The following ZNF521 variants were observed in gnomAD, a reference collection of about 807,000 sequenced individuals.
ZNF521 encodes the protein LYST-interacting protein 3.
ZNF521 carries 14 observed loss-of-function variants against 105.5 expected under a neutral mutation model. That is an observed-to-expected ratio of 0.13 (90% CI 0.09 to 0.21). The LOEUF is 0.21. ZNF521 is among the 10% of genes least tolerant of loss of function. The pLI, the probability that ZNF521 is intolerant of heterozygous loss-of-function variation, is 1.00. For synonymous variants in ZNF521, 635 were observed against 606.0 expected, an observed-to-expected ratio of 1.05 and a Z score of -0.70; for missense variants, 1,233 against 1,629.7, an observed-to-expected ratio of 0.76 and a Z score of 4.19.
At chr18:25,274,778 T>C (rs76470508) in intron 3 of ZNF521, among the ~76,000 whole-genome samples, 2,074 of 152,330 alleles carry the variant, frequency 0.014, 30 homozygotes, top group Admixed American at 0.039. Context: ...AGATGTTGTG[T>C]CTAGTGGATG....
At chr18:25,077,704 G>A (rs2144152259) in intron 7 of ZNF521, among the ~76,000 whole-genome samples, 1 of 152,208 alleles carries the variant, frequency 6.6e-6, no homozygotes, top group South Asian at 2.1e-4. Context: ...TCCAGAAAAT[G>A]AATCCAATTT....
At chr18:25,094,300 CAT>C (rs1488564657) in intron 5 of ZNF521, among the ~76,000 whole-genome samples, 2 of 152,036 alleles carry the variant, frequency 1.3e-5, no homozygotes, top group Non-Finnish European at 2.9e-5. Context: ...ATAAATAAGA[CAT>C]ATGTGTATGA....
In ZNF521 at chr18:25,250,187, T is replaced by C. The variant is rs376152733; in HGVS notation, c.221-22490A>G. ...ATCTCCTGACATTGTGATCCACCAA[T>C]GAAAAATGTAAAATCATTTTTCATT... On this transcript the variant is annotated intron_variant, in intron 3 of 7. Coordinates refer to ENST00000361524, the MANE Select transcript of ZNF521 (RefSeq NM_015461.3). Among the ~76,000 whole-genome samples, 9 of 152,312 alleles carry C rather than the reference T, an allele frequency of 5.9e-5. No individual in the cohort carries two copies. The East Asian group carries it at 1.7e-3, about 29-fold the overall frequency.
intron 3 of ZNF521, among the ~76,000 whole-genome samples, chr18:25,293,287 A>G (rs969477988): frequency 2.0e-5 from 3 of 152,012 alleles, no homozygotes; most frequent in African/African-American, 7.3e-5. Context: ...CCTTTCGCCC[A>G]GATGAGGGCT....
intron 5 of ZNF521, among the ~76,000 whole-genome samples, chr18:25,116,922 T>C (rs1243300045): frequency 2.1e-5 from 3 of 140,284 alleles, no homozygotes; most frequent in African/African-American, 8.4e-5. Flanking sequence ...CGTATATCTA[T>C]GTATATATAT....
intron 2 of ZNF521, among the ~76,000 whole-genome samples, chr18:25,349,936 C>CCTCCCCGCT (rs1914649568): frequency 6.6e-6 from 1 of 151,696 alleles, no homozygotes; most frequent in Non-Finnish European, 1.5e-5. Flanking sequence ...CGCCGCCCGC[C>CCTCCCCGCT]CTCCCCGCTC....
chr18:25,062,749 TAACAA>T lies in ZNF521; in HGVS notation c.3907-13_3907-9del, dbSNP rs2032933173. 4.4e-5 allele frequency: 9 copies of T among 204,586 alleles called. No individual in the cohort carries two copies. The highest frequency in any genetic ancestry group is 1.5e-4 in the African/African-American group (1 of 6,660). The allele number at this position is 204,586 out of a possible 1,614,324, so 12.7% of individuals were successfully genotyped here. ...TTGGGTCATTGTATGATTCTGTAAA[TAACAA>T]AAAAAAAAAAAAAAAAAAAAAAAAA... On this transcript the variant is annotated splice_polypyrimidine_tract_variant and intron_variant, in intron 7 of 7. Coordinates refer to ENST00000361524, the MANE Select transcript of ZNF521 (RefSeq NM_015461.3).
Position 25,226,061 on chromosome 18 carries a change from C to T in ZNF521, c.1857G>A (p.Met619Ile). 6.2e-7 allele frequency: 1 copy of T among 1,614,194 alleles called. No individual in the cohort carries two copies. Among genetic ancestry groups the T allele is most frequent in the African/African-American group, 1.3e-5 (1 of 75,066 alleles). Reference sequence around the variant, plus strand: ...CAGGTGCACCTCCTACTGCCTGCATCATCTTAAGAGATGTCTGCTCTATGG... The same window carrying T: ...CAGGTGCACCTCCTACTGCCTGCATTATCTTAAGAGATGTCTGCTCTATGG... ...PVAIEQTSLK[M>I]MQAVGGAPAR... is the part of the protein sequence containing the mutation. The change falls in exon 4 of 8, where the codon ATG (methionine) becomes ATA (isoleucine). Residue 619 changes from methionine to isoleucine, a missense_variant. By Grantham distance (10) the Met-to-Ile change is conservative. Around this residue, in one of 6 missense-constraint regions of ZNF521, gnomAD observed 614 missense variants for 751.5 expected, o/e 0.82. Coordinates refer to ENST00000361524, the MANE Select transcript of ZNF521 (RefSeq NM_015461.3). This position sits in a 1 kb window ranked among gnomAD's most constrained non-coding sequence, Gnocchi z 4.1.
chr18:25,305,959 G>T (rs1271014036), intron 3 of ZNF521, among the ~76,000 whole-genome samples: 1 of 152,182 alleles, frequency 6.6e-6, no homozygotes, highest in Non-Finnish European at 1.5e-5. Context: ...CAAAAGGCAG[G>T]CAATGTTATC....
intron 5 of ZNF521, among the ~76,000 whole-genome samples, chr18:25,125,986 G>C (rs1274227255): frequency 6.6e-6 from 1 of 151,872 alleles, no homozygotes; most frequent in East Asian, 1.9e-4. Flanking sequence ...CCCCTTCAAT[G>C]GTCCTCATAA....
At chr18:25,201,800 T>C (rs1157705162) in intron 4 of ZNF521, 2 of 152,160 alleles carry the variant, frequency 1.3e-5, no homozygotes, top group Non-Finnish European at 2.9e-5. Context: ...TAACTTGCTG[T>C]ATAGTTAGTT....
chr18:25,266,893 T>A lies in ZNF521; in HGVS notation c.221-39196A>T, dbSNP rs191849402. Reference sequence around the variant, plus strand: ...TTTTGTTTTTGTTTCTTTTTTTCCATATCCCAGTGACATCTGGAACACCAG... The same window carrying A: ...TTTTGTTTTTGTTTCTTTTTTTCCAAATCCCAGTGACATCTGGAACACCAG... On this transcript the variant is annotated intron_variant, in intron 3 of 7. Coordinates refer to ENST00000361524, the MANE Select transcript of ZNF521 (RefSeq NM_015461.3). Among the ~76,000 whole-genome samples the A allele has an allele frequency of 2.0e-5, 3 of 152,266 alleles. No individual in the cohort carries two copies. In the East Asian group the frequency reaches 5.8e-4, roughly 29 times the overall value.
chr18:25,285,011 C>T (rs1910613555), intron 3 of ZNF521, among the ~76,000 whole-genome samples: 1 of 151,800 alleles, frequency 6.6e-6, no homozygotes, highest in Admixed American at 6.6e-5. Context: ...GCTTCCTTAC[C>T]CTGACTTTGT....
intron 3 of ZNF521, among the ~76,000 whole-genome samples, chr18:25,298,143 C>T (rs193187803): frequency 6.6e-4 from 100 of 152,264 alleles, no homozygotes; most frequent in Admixed American, 1.8e-3. Context: ...TGTCAGAGAG[C>T]ACAGACTAGT....
rs67351091 is a variant in ZNF521 at position 25,333,314 on chromosome 18, C to CTATA, written c.41-11131_41-11128dup. 6.2e-3 allele frequency among the ~76,000 whole-genome samples: 903 copies of CTATA among 145,746 alleles called. 6 individuals are homozygous for CTATA. Among genetic ancestry groups the CTATA allele is most frequent in the East Asian group, 0.019 (96 of 4,940 alleles). On this transcript the variant is annotated intron_variant, in intron 2 of 7. Transcript: ENST00000361524. ...ATAAGGACACACTCTCTCTCTCTCTCTATATATATATATATATATACACAC... is the reference window on the plus strand; with the variant it reads ...ATAAGGACACACTCTCTCTCTCTCTCTATATATATATATATATATATATACACAC...
At chr18:25,294,652 C>T (rs919505106) in intron 3 of ZNF521, among the ~76,000 whole-genome samples, 1 of 151,742 alleles carries the variant, frequency 6.6e-6, no homozygotes, top group Non-Finnish European at 1.5e-5. Flanking sequence ...GTCAGGAGAT[C>T]GAGACCATCC....
chr18:25,083,073 C>T (rs1158856021), intron 7 of ZNF521, among the ~76,000 whole-genome samples: 4 of 152,072 alleles, frequency 2.6e-5, no homozygotes, highest in African/African-American at 9.7e-5. Context: ...CAGATTCTAC[C>T]TTGTCTTTCG....
intron 2 of ZNF521, among the ~76,000 whole-genome samples, chr18:25,326,457 T>C (rs1412400634): frequency 6.6e-6 from 1 of 152,234 alleles, no homozygotes; most frequent in Non-Finnish European, 1.5e-5. Flanking sequence ...ACTCTGTCGC[T>C]CTCTGCTCCC....
chr18:25,285,504 A>C (rs1236617992), intron 3 of ZNF521, among the ~76,000 whole-genome samples: 2 of 152,212 alleles, frequency 1.3e-5, no homozygotes, highest in East Asian at 3.8e-4. Flanking sequence ...ATTTAGGGGG[A>C]CATCAGTTTA....
Sources: allele counts gnomAD v4.1 joint callset (sites outside exome capture counted in the v4.1 genomes callset), GRCh38; gene constraint gnomAD v4.1.1; regional missense constraint gnomAD v4.1.1; non-coding constraint Gnocchi (gnomAD v3.1); transcripts MANE v1.5; gene names NCBI Gene and HGNC (gene_info 2026-07-23, HGNC 2026-07-21).